Variants in TRIO observed in about 807,000 individuals in gnomAD.
TRIO encodes triple functional domain protein.
Under a neutral mutation model 351.9 loss-of-function variants are expected in TRIO, and 58 were observed. That is an observed-to-expected ratio of 0.16 (90% CI 0.13 to 0.21). TRIO has a LOEUF of 0.21. TRIO is among the 10% of genes least tolerant of loss of function. TRIO has a pLI of 1.00. For synonymous variants in TRIO, 1,758 were observed against 1,595.7 expected (o/e 1.10, Z -2.42); for missense variants, 3,201 against 4,027.8 (o/e 0.79, Z 5.56).
intron 1 of TRIO, among the ~76,000 whole-genome samples, chr5:14,181,952 C>T (rs369296976): frequency 6.6e-6 from 1 of 152,200 alleles, no homozygotes; most frequent in African/African-American, 2.4e-5. Context: ...ATATTCAGTC[C>T]TCTGTTTTTA....
Position 14,508,120 on chromosome 5 carries a change from G to A in TRIO, c.8992G>A (p.Glu2998Lys). ...GVSPFLDDSV[E>K]ETCLNICRLD... Reference sequence around the variant, plus strand: ...GTCCCCCTTCCTGGATGACAGTGTGGAAGAGACCTGCCTGAACATTTGCCG... The same window carrying A: ...GTCCCCCTTCCTGGATGACAGTGTGAAAGAGACCTGCCTGAACATTTGCCG... Residue 2998 changes from glutamate (E) to lysine (K), a missense_variant, in exon 57 of 57, where the codon GAA (glutamate) becomes AAA (lysine). Physicochemically the swap from Glu to Lys is moderately conservative, Grantham distance 56 (BLOSUM62 1). Coordinates refer to ENST00000344204, the MANE Select transcript of TRIO (RefSeq NM_007118.4). The A allele has an allele frequency of 6.2e-7, 1 of 1,614,198 alleles. No individual in the cohort carries two copies. The highest frequency in any genetic ancestry group is 8.5e-7 in the Non-Finnish European group (1 of 1,180,032).
intron 1 of TRIO, among the ~76,000 whole-genome samples, chr5:14,230,922 C>A (rs1204981133): frequency 6.6e-6 from 1 of 152,190 alleles, no homozygotes; most frequent in East Asian, 1.9e-4. Context: ...GCACATCTTA[C>A]TTCTGCGAAT....
chr5:14,405,682 A>G (rs1748643464), intron 31 of TRIO, among the ~76,000 whole-genome samples, 166 bp from the exon 32 acceptor site: 3 of 152,332 alleles, frequency 2.0e-5, no homozygotes, highest in East Asian at 1.9e-4. Flanking sequence ...GTATTTTTAA[A>G]TAGTCATTTA....
At position 14,381,120 on chromosome 5, in the gene TRIO, C is replaced by G; in HGVS notation, c.3448-10C>G. ...AGCCCTCTGACTCCATTCATTCCTTCCCCTTCCAGGCTTTGGAATGGATCC... is the reference window on the plus strand; with the variant it reads ...AGCCCTCTGACTCCATTCATTCCTTGCCCTTCCAGGCTTTGGAATGGATCC... On this transcript the variant is annotated splice_polypyrimidine_tract_variant and intron_variant, in intron 20 of 56. Coordinates refer to ENST00000344204, the MANE Select transcript of TRIO (RefSeq NM_007118.4). 6.2e-7 allele frequency: 1 copy of G among 1,611,968 alleles called. No individual in the cohort carries two copies. The highest frequency in any genetic ancestry group is 1.7e-5 in the Admixed American group (1 of 59,664).
chr5:14,198,546 C>CCAT (rs1790912392), intron 1 of TRIO, among the ~76,000 whole-genome samples: 1 of 152,218 alleles, frequency 6.6e-6, no homozygotes, highest in Non-Finnish European at 1.5e-5. Flanking sequence ...TAATATGGAA[C>CCAT]TGCAATGATG....
intron 1 of TRIO, among the ~76,000 whole-genome samples, chr5:14,180,457 C>T (rs1789702265): frequency 6.6e-6 from 1 of 152,104 alleles, no homozygotes; most frequent in Non-Finnish European, 1.5e-5. Flanking sequence ...AGAATATAAC[C>T]TAAATTGTTC....
chr5:14,436,262 G>A (rs1751581540), intron 34 of TRIO, among the ~76,000 whole-genome samples: 1 of 152,320 alleles, frequency 6.6e-6, no homozygotes, highest in South Asian at 2.1e-4. Context: ...GCAAGAGAGA[G>A]CTTGTGTAGG....
At chr5:14,343,525 A>G (rs1561366173) in intron 11 of TRIO, among the ~76,000 whole-genome samples, 1 of 152,118 alleles carries the variant, frequency 6.6e-6, no homozygotes, top group Non-Finnish European at 1.5e-5. Context: ...ACTTTTTGAG[A>G]TGGCTTTTTT....
At chr5:14,414,842 A>C in intron 33 of TRIO, among the ~76,000 whole-genome samples, 1 of 152,196 alleles carries the variant, frequency 6.6e-6, no homozygotes, top group African/African-American at 2.4e-5. Context: ...TGTTCACGTT[A>C]GAACAGCTGC....
At chr5:14,463,674 C>CTTTTT in intron 36 of TRIO, among the ~76,000 whole-genome samples, 1 of 137,192 alleles carries the variant, frequency 7.3e-6, no homozygotes, top group South Asian at 2.3e-4. Flanking sequence ...ACTGGTGATG[C>CTTTTT]TTTTTTTTTT....
intron 33 of TRIO, among the ~76,000 whole-genome samples, 158 bp from the exon 34 acceptor site, chr5:14,419,620 A>G (rs539577672): frequency 6.6e-6 from 1 of 152,252 alleles, no homozygotes; most frequent in Admixed American, 6.5e-5. Flanking sequence ...GAAAAATCAT[A>G]TTTTCATACG....
At chr5:14,474,242 T>C in intron 40 of TRIO, 145 bp downstream of exon 40, 1 of 678,396 alleles carries the variant, frequency 1.5e-6, no homozygotes, top group Non-Finnish European at 2.5e-6. Flanking sequence ...GAGATATTGA[T>C]GTACCCAGGA....
At position 14,352,692 on chromosome 5, in the gene TRIO, A is replaced by G. The variant is rs557663612; in HGVS notation, c.2047-5486A>G. 2.6e-5 allele frequency among the ~76,000 whole-genome samples: 4 copies of G among 152,302 alleles called. No individual in the cohort carries two copies. In the South Asian group the frequency reaches 8.3e-4, roughly 32 times the overall value. On this transcript the variant is annotated intron_variant, in intron 11 of 56. Transcript: ENST00000344204. ...ACAGAAAAATTCCGAAGGGGCAAAT[A>G]TTTTAAATGGTTAAAATGTAGCCTT...
intron 33 of TRIO, among the ~76,000 whole-genome samples, chr5:14,416,649 A>G (rs575735719): frequency 6.6e-6 from 1 of 152,314 alleles, no homozygotes; most frequent in African/African-American, 2.4e-5. Flanking sequence ...AGATGTTTCC[A>G]ATAGTTTTTG....
chr5:14,177,924 A>G (rs547184887), intron 1 of TRIO, among the ~76,000 whole-genome samples: 2 of 152,230 alleles, frequency 1.3e-5, no homozygotes, highest in Non-Finnish European at 2.9e-5. Flanking sequence ...TTTCTAATGC[A>G]CTGCAAGTAT....
intron 1 of TRIO, among the ~76,000 whole-genome samples, chr5:14,168,770 C>T (rs2152123880): frequency 6.6e-6 from 1 of 152,300 alleles, no homozygotes; most frequent in Non-Finnish European, 1.5e-5. Flanking sequence ...TACTATATGT[C>T]CATCTATGTG....
intron 27 of TRIO, among the ~76,000 whole-genome samples, chr5:14,392,754 G>T (rs1404355235): frequency 6.6e-6 from 1 of 152,184 alleles, no homozygotes; most frequent in African/African-American, 2.4e-5. Flanking sequence ...TCATAAAAAA[G>T]GATGAGTTTG....
intron 46 of TRIO, 138 bp from the exon 47 acceptor site, chr5:14,484,931 G>A (rs1348294054): frequency 2.4e-5 from 19 of 802,506 alleles, no homozygotes; most frequent in Admixed American, 3.4e-5. Flanking sequence ...ATTGTGTGTC[G>A]GAATTTCTTT....
At chr5:14,304,371 G>T in intron 7 of TRIO, 90 bp from the exon 8 acceptor site, 1 of 1,350,874 alleles carries the variant, frequency 7.4e-7, no homozygotes, top group Non-Finnish European at 1.0e-6. Flanking sequence ...TCTCCCTCAA[G>T]TCCCCTAATT....
Sources: allele counts gnomAD v4.1 joint callset (sites outside exome capture counted in the v4.1 genomes callset), GRCh38; gene constraint gnomAD v4.1.1; transcripts MANE v1.5; gene names NCBI Gene and HGNC (gene_info 2026-07-23, HGNC 2026-07-21).